The following PIBF1 variants were observed in gnomAD, a reference collection of about 807,000 sequenced individuals.
The protein encoded by PIBF1 is progesterone-induced-blocking factor 1.
Under a neutral mutation model 112.5 loss-of-function variants are expected in PIBF1, and 90 were observed. That is an observed-to-expected ratio of 0.80 (90% CI 0.67 to 0.95). The LOEUF is 0.95. PIBF1 is among the 40% of genes least tolerant of loss of function. The pLI is 0.00. For synonymous variants in PIBF1, 301 were observed against 288.6 expected (o/e 1.04, Z -0.44); for missense variants, 915 against 852.3 (o/e 1.07, Z -0.92).
intron 14 of PIBF1, among the ~76,000 whole-genome samples, chr13:72,950,151 G>A (rs539476310): frequency 6.6e-6 from 1 of 152,220 alleles, no homozygotes; most frequent in African/African-American, 2.4e-5. Flanking sequence ...GAACAAATTG[G>A]CTGTGGTTTT....
intron 13 of PIBF1, among the ~76,000 whole-genome samples, chr13:72,927,772 A>T (rs2041536192): frequency 6.6e-6 from 1 of 150,536 alleles, no homozygotes; most frequent in Non-Finnish European, 1.5e-5. Flanking sequence ...TCTTAATATA[A>T]TCTCTTATAT....
chr13:73,014,061 C>T (rs2044310306), intron 17 of PIBF1, among the ~76,000 whole-genome samples: 1 of 151,084 alleles, frequency 6.6e-6, no homozygotes. Context: ...CTCCCCTCCC[C>T]TCCACTCCCC....
intron 10 of PIBF1, among the ~76,000 whole-genome samples, chr13:72,882,798 A>T (rs771144766): frequency 2.6e-5 from 4 of 152,182 alleles, no homozygotes; most frequent in Admixed American, 6.5e-5. Flanking sequence ...ACAAATGCTG[A>T]TGAGGATGTG....
At chr13:72,801,168 TA>T (rs1441533320) in intron 5 of PIBF1, among the ~76,000 whole-genome samples, 2 of 152,234 alleles carry the variant, frequency 1.3e-5, no homozygotes, top group Non-Finnish European at 1.5e-5. Context: ...ACTTTGATTT[TA>T]ACCTTAAGTG....
At chr13:72,967,250 TTA>T (rs1258073420) in intron 15 of PIBF1, among the ~76,000 whole-genome samples, 2 of 152,184 alleles carry the variant, frequency 1.3e-5, no homozygotes, top group Non-Finnish European at 2.9e-5. Context: ...TTTGAATCTT[TTA>T]TATGTCTTAT....
At chr13:72,978,468 A>G (rs1046444011) in intron 16 of PIBF1, among the ~76,000 whole-genome samples, 6 of 152,240 alleles carry the variant, frequency 3.9e-5, no homozygotes, top group African/African-American at 1.4e-4. Flanking sequence ...TTAGACAGAA[A>G]AAAACTCATG....
chr13:72,992,296 T>A (rs1273594747), intron 16 of PIBF1, among the ~76,000 whole-genome samples: 1 of 152,226 alleles, frequency 6.6e-6, no homozygotes, highest in African/African-American at 2.4e-5. Context: ...AAATAATATT[T>A]CTATAAATTT....
chr13:72,817,818 T>G lies in PIBF1; in HGVS notation c.673-4031T>G, dbSNP rs138167630. Among the ~76,000 whole-genome samples, 531 of 152,278 alleles carry G rather than the reference T, an allele frequency of 3.5e-3. 1 individual carries two copies. Among genetic ancestry groups the G allele is most frequent in the African/African-American group, 0.012 (502 of 41,552 alleles). ...GGTTCTACATAGTCATGGGGTTTAT[T>G]TTGAGGGAAGATGCTATTTTTCCTG... On this transcript the variant is annotated intron_variant, in intron 5 of 17. Transcript: ENST00000326291.
intron 3 of PIBF1, among the ~76,000 whole-genome samples, chr13:72,793,843 G>T (rs745648991): frequency 2.0e-5 from 3 of 152,188 alleles, no homozygotes; most frequent in Non-Finnish European, 2.9e-5. Flanking sequence ...CAAAGGTTTT[G>T]TGAGTAAAAA....
intron 16 of PIBF1, among the ~76,000 whole-genome samples, chr13:72,983,943 A>G (rs747097180): frequency 2.7e-4 from 41 of 152,182 alleles, no homozygotes; most frequent in Non-Finnish European, 1.9e-4. Context: ...ATTTCTCATC[A>G]TAGTGGTGCT....
At chr13:72,942,662 G>A (rs1252438280) in intron 14 of PIBF1, among the ~76,000 whole-genome samples, 3 of 152,052 alleles carry the variant, frequency 2.0e-5, no homozygotes, top group Non-Finnish European at 4.4e-5. Flanking sequence ...TGATTTATAG[G>A]GTTCCTTTGC....
intron 9 of PIBF1, among the ~76,000 whole-genome samples, chr13:72,852,341 C>T (rs1016782789): frequency 2.0e-5 from 3 of 152,182 alleles, no homozygotes; most frequent in African/African-American, 7.2e-5. Context: ...TATGCCTGTC[C>T]AGTCGCAGCC....
intron 16 of PIBF1, among the ~76,000 whole-genome samples, chr13:72,994,247 A>G (rs1405591979): frequency 3.3e-5 from 5 of 152,208 alleles, no homozygotes; most frequent in Admixed American, 1.3e-4. Context: ...TCTTAAAAGC[A>G]GTCAGTACAG....
At chr13:72,812,403 A>G (rs558965927) in intron 5 of PIBF1, among the ~76,000 whole-genome samples, 2 of 152,134 alleles carry the variant, frequency 1.3e-5, no homozygotes, top group Non-Finnish European at 2.9e-5. Flanking sequence ...TAATTTTGTC[A>G]TGGCATTAGC....
chr13:72,996,085 A>AAGGGGG (rs2043649207), intron 16 of PIBF1, among the ~76,000 whole-genome samples: 1 of 36,608 alleles, frequency 2.7e-5, no homozygotes, highest in Non-Finnish European at 5.7e-5. Context: ...AAAAAAAAAA[A>AAGGGGG]GCGGGGGGGG....
intron 16 of PIBF1, among the ~76,000 whole-genome samples, chr13:72,991,862 G>A (rs1336467942): frequency 6.6e-6 from 1 of 152,104 alleles, no homozygotes; most frequent in Non-Finnish European, 1.5e-5. Context: ...GGGACTACAG[G>A]CGCCCGCCAC....
At chr13:73,003,326 C>T (rs1044313367) in intron 17 of PIBF1, among the ~76,000 whole-genome samples, 1 of 151,832 alleles carries the variant, frequency 6.6e-6, no homozygotes, top group African/African-American at 2.4e-5. Context: ...AGTCTTGGCT[C>T]ACTGCAACCT....
At chr13:72,787,507 G>T (rs2034662637) in intron 2 of PIBF1, among the ~76,000 whole-genome samples, 1 of 152,150 alleles carries the variant, frequency 6.6e-6, no homozygotes, top group African/African-American at 2.4e-5. Flanking sequence ...GAAGGTTCAT[G>T]GGGTATTTTG....
intron 10 of PIBF1, among the ~76,000 whole-genome samples, chr13:72,884,841 A>G (rs2039780794): frequency 6.6e-6 from 1 of 152,190 alleles, no homozygotes. Context: ...AAATACTAAC[A>G]AGTAATTATT....
Sources: gnomAD v4.1 joint callset for allele counts (sites outside exome capture counted in the v4.1 genomes callset) on GRCh38, gnomAD v4.1.1 for gene constraint, MANE v1.5 for transcripts, NCBI Gene and HGNC (gene_info 2026-07-23, HGNC 2026-07-21) for gene names.